ACER1: variants seen among roughly 807,000 people sequenced by gnomAD.
ACER1 encodes the protein CTB-180A7.3.
Under a neutral mutation model 24.9 loss-of-function variants are expected in ACER1, and 28 were observed. The ratio of observed to expected loss-of-function variants is 1.13; its 90% CI spans 0.83 to 1.54. ACER1 has a LOEUF of 1.54. Ranked by LOEUF, ACER1 falls within the 40% of genes most tolerant of loss-of-function variation. The pLI is 0.00. For synonymous variants in ACER1, 132 were observed against 131.4 expected, an observed-to-expected ratio of 1.00 and a Z score of -0.03; for missense variants, 352 against 349.3, an observed-to-expected ratio of 1.01 and a Z score of -0.06.
chr19:6,325,070 G>A (rs1180704929), intron 1 of ACER1, among the ~76,000 whole-genome samples: 1 of 152,042 alleles, frequency 6.6e-6, no homozygotes, highest in African/African-American at 2.4e-5. Context: ...GCTGACTTCT[G>A]TTCCTGTTGG....
chr19:6,343,592 T>C, the ACER1 span, among the ~76,000 whole-genome samples: 1 of 150,960 alleles, frequency 6.6e-6, no homozygotes, highest in South Asian at 2.1e-4. Context: ...ATACCCATCA[T>C]GTGGCCCCCA....
At chr19:6,359,319 ATT>A in the ACER1 span, among the ~76,000 whole-genome samples, 65 of 140,646 alleles carry the variant, frequency 4.6e-4, 1 homozygote, top group East Asian at 6.9e-3. Flanking sequence ...ATCTGCTGTG[ATT>A]TTTTTTTTTT....
intron 1 of ACER1, among the ~76,000 whole-genome samples, chr19:6,317,569 T>C (rs1476016186): frequency 6.6e-6 from 1 of 152,132 alleles, no homozygotes; most frequent in Non-Finnish European, 1.5e-5. Flanking sequence ...CCCTTGAATA[T>C]CAACGCGTGC....
intron 3 of ACER1, among the ~76,000 whole-genome samples, chr19:6,311,301 T>TG (rs939834847): frequency 1.3e-5 from 2 of 151,836 alleles, no homozygotes; most frequent in African/African-American, 4.8e-5. Context: ...CCCAGCACTT[T>TG]GGGAGGCCAA....
At chr19:6,341,113 T>G in the ACER1 span, among the ~76,000 whole-genome samples, 100 of 151,726 alleles carry the variant, frequency 6.6e-4, no homozygotes, top group African/African-American at 2.3e-3. Context: ...TTTGTTCTTT[T>G]CTTTTGAGAC....
chr19:6,312,524 G>A (rs2091587227), intron 1 of ACER1, 25 bp from the exon 2 acceptor site: 5 of 1,593,508 alleles, frequency 3.1e-6, no homozygotes, highest in African/African-American at 2.7e-5. Flanking sequence ...GCCATAGGGA[G>A]GAGCTCGTCA....
At position 6,333,589 on chromosome 19, in the gene ACER1, C is replaced by G. The variant is rs1285009673; in HGVS notation, c.-38G>C. ...GCCACCACCAGCCGGCTGCGCCCGG[C>G]AGAGAGAAGGCGAGCTTGGGAAGGC... On this transcript the variant is annotated 5_prime_UTR_variant, in exon 1 of 6. Coordinates refer to ENST00000301452, the MANE Select transcript of ACER1 (RefSeq NM_133492.3). 6.5e-7 allele frequency: 1 copy of G among 1,531,890 alleles called. No individual in the cohort carries two copies. The highest frequency in any genetic ancestry group is 1.4e-5 in the African/African-American group (1 of 72,864). 94.9% of individuals were successfully genotyped at this position (1,531,890 alleles called of 1,614,324 possible).
intron 1 of ACER1, among the ~76,000 whole-genome samples, chr19:6,324,361 T>A (rs2091648124): frequency 6.6e-6 from 1 of 151,616 alleles, no homozygotes; most frequent in Non-Finnish European, 1.5e-5. Context: ...AATTTTTTTT[T>A]AGACACAGGG....
chr19:6,323,418 CA>C (rs368086357), intron 1 of ACER1, among the ~76,000 whole-genome samples: 6,152 of 128,198 alleles, frequency 0.048, 345 homozygotes, highest in African/African-American at 0.15. Flanking sequence ...GACTCCGTCT[CA>C]AAAAAAAAAA....
At chr19:6,355,947 A>G in the ACER1 span, among the ~76,000 whole-genome samples, 2 of 151,578 alleles carry the variant, frequency 1.3e-5, no homozygotes, top group African/African-American at 4.9e-5. Flanking sequence ...CCCTCTGCCC[A>G]GCCACCACCC....
intron 4 of ACER1, among the ~76,000 whole-genome samples, chr19:6,307,573 C>T (rs907712561): frequency 1.3e-5 from 2 of 150,384 alleles, no homozygotes; most frequent in Non-Finnish European, 3.0e-5. Context: ...CGCTTGAGCC[C>T]TGGAGTTTAA....
the ACER1 span, among the ~76,000 whole-genome samples, chr19:6,342,054 G>C: frequency 6.6e-6 from 1 of 152,282 alleles, no homozygotes; most frequent in East Asian, 1.9e-4. Flanking sequence ...AAATGAACTT[G>C]TTTAAAGACA....
chr19:6,330,803 G>A (rs1005486013), intron 1 of ACER1, among the ~76,000 whole-genome samples: 1 of 149,796 alleles, frequency 6.7e-6, no homozygotes, highest in Non-Finnish European at 1.5e-5. Context: ...CCATATCTCT[G>A]GCTAAGGAAG....
the ACER1 span, among the ~76,000 whole-genome samples, chr19:6,348,465 G>GAAAAA: frequency 2.9e-5 from 3 of 101,900 alleles, no homozygotes; most frequent in Non-Finnish European, 6.1e-5. Flanking sequence ...ACTCCATCTG[G>GAAAAA]AAAAAAAAAA....
the ACER1 span, chr19:6,353,494 G>T: frequency 6.9e-6 from 1 of 144,722 alleles, no homozygotes; most frequent in Non-Finnish European, 1.5e-5. Context: ...AATAAATAAA[G>T]TTGTTTTTCT....
intron 1 of ACER1, among the ~76,000 whole-genome samples, chr19:6,321,456 A>G (rs1248948013): frequency 6.6e-6 from 1 of 151,682 alleles, no homozygotes; most frequent in Non-Finnish European, 1.5e-5. Flanking sequence ...ACATTCTTTA[A>G]AAAAAGAGAG....
chr19:6,318,452 T>C (rs1347818237), intron 1 of ACER1, among the ~76,000 whole-genome samples: 1 of 138,834 alleles, frequency 7.2e-6, no homozygotes, highest in Non-Finnish European at 1.6e-5. Flanking sequence ...CTGGGTGACA[T>C]AGTGAGACTC....
intron 1 of ACER1, among the ~76,000 whole-genome samples, chr19:6,323,286 G>A (rs1259728733): frequency 3.3e-5 from 5 of 152,014 alleles, no homozygotes; most frequent in Non-Finnish European, 7.4e-5. Context: ...TGGGCGAGGT[G>A]GCGGGTGCCT....
chr19:6,326,133 T>C (rs1186132587), intron 1 of ACER1, among the ~76,000 whole-genome samples: 2 of 148,456 alleles, frequency 1.3e-5, no homozygotes, highest in African/African-American at 2.5e-5. Context: ...TTTTTTTTTT[T>C]TTTTTTTTTA....
Sources: gnomAD v4.1 joint callset for allele counts (sites outside exome capture counted in the v4.1 genomes callset) on GRCh38, gnomAD v4.1.1 for gene constraint, MANE v1.5 for transcripts, NCBI Gene and HGNC (gene_info 2026-07-23, HGNC 2026-07-21) for gene names.